TMEM170B: variants seen among roughly 807,000 people sequenced by gnomAD.
TMEM170B encodes transmembrane protein 170B.
Under a neutral mutation model 13.0 loss-of-function variants are expected in TMEM170B, and 6 were observed. The observed-to-expected ratio is 0.46, with a 90% CI of 0.25 to 0.91. The LOEUF (loss-of-function observed/expected upper bound fraction) is 0.91. Among genes scored for constraint, TMEM170B ranks in the 40% least tolerant of loss-of-function variants. The probability of loss-of-function intolerance (pLI) is 0.17; values close to 1 mark genes in which losing one functional copy is unlikely to be tolerated. For missense variants in TMEM170B, 138 were observed against 165.2 expected (o/e 0.84, Z 0.90); for synonymous variants, 61 against 64.9 (o/e 0.94, Z 0.29).
At position 11,578,348 on chromosome 6, in the gene TMEM170B, C is replaced by G. The variant is rs145961366; in HGVS notation, c.*2787C>G. ...AATGCAAGAAGGGAGGGAGGATCCTCTATAGTGGACACTCCTTTATTTAAA... is the reference window on the plus strand; with the variant it reads ...AATGCAAGAAGGGAGGGAGGATCCTGTATAGTGGACACTCCTTTATTTAAA... On this transcript the variant is annotated 3_prime_UTR_variant, in exon 3 of 3. Transcript: ENST00000379426. 1 of 151,992 alleles carries G rather than the reference C, an allele frequency of 6.6e-6. No individual in the cohort carries two copies. The highest frequency in any genetic ancestry group is 2.4e-5 in the African/African-American group (1 of 41,376). The allele number at this position is 151,992 out of a possible 1,614,324, so 9.4% of individuals were successfully genotyped here.
At chr6:11,564,953 A>G (rs1759715905) in intron 1 of TMEM170B, among the ~76,000 whole-genome samples, 2 of 152,178 alleles carry the variant, frequency 1.3e-5, no homozygotes, top group Non-Finnish European at 2.9e-5. Flanking sequence ...TGGGAACTAT[A>G]TGGAGTGACT....
chr6:11,583,141 T>C lies in TMEM170B; in HGVS notation c.*7580T>C, dbSNP rs1759980830. The C allele has an allele frequency of 6.6e-6, 1 of 152,230 alleles. No individual in the cohort carries two copies. Among genetic ancestry groups the C allele is most frequent in the African/African-American group, 2.4e-5 (1 of 41,468 alleles). 9.4% of individuals were successfully genotyped at this position (152,230 alleles called of 1,614,324 possible). On this transcript the variant is annotated 3_prime_UTR_variant, in exon 3 of 3. Coordinates refer to ENST00000379426, the MANE Select transcript of TMEM170B (RefSeq NM_001100829.3). Reference sequence around the variant, plus strand: ...AGCCTAGAGATGTTGATCTTTATTTTAAATTATTTTTCACCATTCTCATTT... The same window carrying C: ...AGCCTAGAGATGTTGATCTTTATTTCAAATTATTTTTCACCATTCTCATTT...
At chr6:11,566,099 C>A (rs1759730083) in intron 2 of TMEM170B, among the ~76,000 whole-genome samples, 3 of 152,152 alleles carry the variant, frequency 2.0e-5, no homozygotes, top group African/African-American at 7.2e-5. Context: ...AGAGGCAAGG[C>A]AGGTCAATGG....
At position 11,542,958 on chromosome 6, in the gene TMEM170B, A is replaced by G. The variant is rs575941099; in HGVS notation, c.97+4584A>G. On this transcript the variant is annotated intron_variant, in intron 1 of 2. Coordinates refer to ENST00000379426, the MANE Select transcript of TMEM170B (RefSeq NM_001100829.3). Reference sequence around the variant, plus strand: ...TAAATTAAATTGTCCCAAATCTTATAGCTAGTATATGACTGAGCTGGGCTT... The same window carrying G: ...TAAATTAAATTGTCCCAAATCTTATGGCTAGTATATGACTGAGCTGGGCTT... Among the ~76,000 whole-genome samples the G allele has an allele frequency of 5.3e-5, 8 of 152,316 alleles. No individual in the cohort carries two copies. In the East Asian group the frequency reaches 1.5e-3, roughly 29 times the overall value.
At chr6:11,574,572 GA>G (rs1338594936) in intron 2 of TMEM170B, among the ~76,000 whole-genome samples, 1 of 152,038 alleles carries the variant, frequency 6.6e-6, no homozygotes. Flanking sequence ...AGTTTTTCTA[GA>G]AAAAGAGTTT....
intron 1 of TMEM170B, among the ~76,000 whole-genome samples, chr6:11,545,324 A>AAGT (rs1015387518): frequency 4.9e-4 from 51 of 103,920 alleles, no homozygotes; most frequent in South Asian, 1.4e-3. Context: ...TACTAGTAGT[A>AAGT]AGTAGTAGTA....
At chr6:11,541,561 C>T (rs1267677077) in intron 1 of TMEM170B, among the ~76,000 whole-genome samples, 1 of 152,126 alleles carries the variant, frequency 6.6e-6, no homozygotes, top group Non-Finnish European at 1.5e-5. Context: ...CTATTTAGAC[C>T]ACTCAAACTT....
At position 11,542,902 on chromosome 6, in the gene TMEM170B, C is replaced by A. The variant is rs142465817; in HGVS notation, c.97+4528C>A. Among the ~76,000 whole-genome samples the A allele has an allele frequency of 2.0e-5, 3 of 152,300 alleles. No homozygotes were observed. In the East Asian group the frequency reaches 5.8e-4, roughly 29 times the overall value. On this transcript the variant is annotated intron_variant, in intron 1 of 2. Coordinates refer to ENST00000379426, the MANE Select transcript of TMEM170B (RefSeq NM_001100829.3). The stretch of plus-strand genomic sequence containing the variant: ...ATTTCTAATCTTCAGAATAACTCTT[C>A]AAAGTACATTTGAAAGGAAACTCAG...
At chr6:11,565,615 T>C (rs776938096) in intron 1 of TMEM170B, 51 bp from the exon 2 acceptor site, 14 of 1,599,888 alleles carry the variant, frequency 8.8e-6, no homozygotes, top group African/African-American at 6.7e-5. Context: ...TTAAATTGAA[T>C]TTTCTAAGTT....
At chr6:11,549,063 TAAAGTA>T (rs1191281258) in intron 1 of TMEM170B, among the ~76,000 whole-genome samples, 1 of 152,050 alleles carries the variant, frequency 6.6e-6, no homozygotes, top group Admixed American at 6.5e-5. Context: ...CCCTAGAACT[TAAAGTA>T]TAATAATAAT....
intron 1 of TMEM170B, among the ~76,000 whole-genome samples, chr6:11,557,704 T>G (rs1222144896): frequency 1.3e-5 from 2 of 152,156 alleles, no homozygotes; most frequent in Non-Finnish European, 2.9e-5. Context: ...CTCCCAAACC[T>G]AATGGAATTA....
Position 11,555,900 on chromosome 6 carries a change from TAATCCCAGCAC to T in TMEM170B, c.98-9765_98-9755del, listed in dbSNP as rs1759582549. Among the ~76,000 whole-genome samples the T allele has an allele frequency of 2.7e-4, 2 of 7,306 alleles. 1 individual carries two copies. Among genetic ancestry groups the T allele is most frequent in the African/African-American group, 2.9e-4 (2 of 6,930 alleles). 4.8% of individuals were successfully genotyped at this position (7,306 alleles called of 152,430 possible). A position where few individuals can be genotyped will look rare whatever the true frequency, so the allele number is the denominator to read the frequency against. On this transcript the variant is annotated intron_variant, in intron 1 of 2. Coordinates refer to ENST00000379426, the MANE Select transcript of TMEM170B (RefSeq NM_001100829.3). ...GGCCGGGCGCGGTGGCTCACGCCTGTAATCCCAGCACTTTGGGAGGCCGAGGCGGGCGGATC... is the reference window on the plus strand; with the variant it reads ...GGCCGGGCGCGGTGGCTCACGCCTGTTTTGGGAGGCCGAGGCGGGCGGATC...
intron 2 of TMEM170B, among the ~76,000 whole-genome samples, chr6:11,569,521 A>G (rs781662299): frequency 6.6e-6 from 1 of 152,186 alleles, no homozygotes; most frequent in Non-Finnish European, 1.5e-5. Flanking sequence ...TTCGCAGGCT[A>G]GTGGTCTCTG....
In TMEM170B at chr6:11,538,366, A is replaced by G. The variant is rs1759310493; in HGVS notation, c.89A>G (p.Asn30Ser). 1.3e-6 allele frequency: 2 copies of G among 1,510,904 alleles called. No homozygotes were observed. Among genetic ancestry groups the G allele is most frequent in the Non-Finnish European group, 1.8e-6 (2 of 1,131,976 alleles). The allele number at this position is 1,510,904 out of a possible 1,614,324, so 93.6% of individuals were successfully genotyped here. A position where few individuals can be genotyped will look rare whatever the true frequency, so the allele number is the denominator to read the frequency against. The change falls in exon 1 of 3, where the codon AAC (asparagine) becomes AGC (serine). Residue 30 changes from asparagine to serine, a missense_variant. Physicochemically the swap from Asn to Ser is conservative, Grantham distance 46. Transcript: ENST00000379426. ...TGGGCCCACGGGACGGTGCTGAGGA[A>G]CCTCACGGGTAATTGACGCGCCTGG... ...SLWAHGTVLR[N>S]LTEMWYWIFL...
At chr6:11,573,315 A>AT (rs1052586441) in intron 2 of TMEM170B, among the ~76,000 whole-genome samples, 3 of 152,076 alleles carry the variant, frequency 2.0e-5, no homozygotes, top group African/African-American at 7.2e-5. Context: ...ACCTAAATTT[A>AT]TTTTTTTGAA....
Position 11,580,428 on chromosome 6 carries a change from A to G in TMEM170B, c.*4867A>G, listed in dbSNP as rs766344642. The G allele has an allele frequency of 2.6e-5, 4 of 152,178 alleles. No individual in the cohort carries two copies. The highest frequency in any genetic ancestry group is 4.4e-5 in the Non-Finnish European group (3 of 68,034). The allele number at this position is 152,178 out of a possible 1,614,324, so 9.4% of individuals were successfully genotyped here. On this transcript the variant is annotated 3_prime_UTR_variant, in exon 3 of 3. Coordinates refer to ENST00000379426, the MANE Select transcript of TMEM170B (RefSeq NM_001100829.3). ...ATTCTCAAACCACTTCACTCTTGAC[A>G]CTACAGATTTTTCTCTCAGTCTCAA...
At chr6:11,563,358 C>G (rs1759694891) in intron 1 of TMEM170B, among the ~76,000 whole-genome samples, 1 of 152,168 alleles carries the variant, frequency 6.6e-6, no homozygotes, top group Non-Finnish European at 1.5e-5. Context: ...TCACACAGAT[C>G]ACTTCTGTGA....
At chr6:11,551,507 A>AC (rs1228805913) in intron 1 of TMEM170B, among the ~76,000 whole-genome samples, 2 of 152,198 alleles carry the variant, frequency 1.3e-5, no homozygotes, top group Non-Finnish European at 2.9e-5. Flanking sequence ...GTGTCTGTAA[A>AC]AACAAGGTGA....
intron 1 of TMEM170B, 117 bp from the exon 2 acceptor site, chr6:11,565,549 C>A: frequency 9.7e-7 from 1 of 1,027,286 alleles, no homozygotes; most frequent in Non-Finnish European, 1.5e-6. Context: ...CTGTGTGAAG[C>A]ATTTTTCTAT....
Sources: allele counts gnomAD v4.1 joint callset (sites outside exome capture counted in the v4.1 genomes callset), GRCh38; gene constraint gnomAD v4.1.1; transcripts MANE v1.5; gene names NCBI Gene and HGNC (gene_info 2026-07-23, HGNC 2026-07-21).